Variants in DMXL1 observed in about 807,000 individuals in gnomAD.
DMXL1 encodes dmX-like protein 1.
In DMXL1, 99 loss-of-function variants were observed where a neutral mutation model predicts 319.2. The ratio of observed to expected loss-of-function variants is 0.31; its 90% confidence interval spans 0.26 to 0.37. The LOEUF (loss-of-function observed/expected upper bound fraction) is 0.37, where lower values mean the gene tolerates loss of function less well. Ranked by LOEUF, DMXL1 falls within the 10% of genes least tolerant of loss-of-function variation. The probability of loss-of-function intolerance (pLI) is 1.00; values close to 1 mark genes in which losing one functional copy is unlikely to be tolerated. For missense variants in DMXL1, 3,745 were observed against 3,595.6 expected (o/e 1.04, Z -1.06); for synonymous variants, 1,385 against 1,235.2 (o/e 1.12, Z -2.54).
chr5:119,071,610 G>C lies in DMXL1; in HGVS notation c.41G>C (p.Gly14Ala). The C allele has an allele frequency of 6.2e-7, 1 of 1,605,092 alleles. No individual in the cohort carries two copies. The highest frequency in any genetic ancestry group is 8.5e-7 in the Non-Finnish European group (1 of 1,176,274). The change falls in exon 1 of 44, where the codon GGC becomes GCC. Residue 14 changes from glycine to alanine, a missense_variant. Physicochemically the swap from Gly to Ala is moderately conservative, Grantham distance 60. Coordinates refer to ENST00000539542, the MANE Select transcript of DMXL1 (RefSeq NM_001290321.3). ...GTGCTGACCGGGGCTGTGAACCCTGGCGACCACTGCTTCTCCGTGGGCAGC... is the reference window on the plus strand; with the variant it reads ...GTGCTGACCGGGGCTGTGAACCCTGCCGACCACTGCTTCTCCGTGGGCAGC... ...HQVLTGAVNP[G>A]DHCFSVGSIG...
intron 2 of DMXL1, among the ~76,000 whole-genome samples, chr5:119,100,273 TA>T (rs1268418659): frequency 3.7e-4 from 52 of 142,226 alleles, no homozygotes; most frequent in Non-Finnish European, 5.4e-4. Flanking sequence ...TACTACAAAA[TA>T]AAAAAAAAAA....
At chr5:119,218,176 A>C (rs1784018067) in intron 35 of DMXL1, among the ~76,000 whole-genome samples, 1 of 152,062 alleles carries the variant, frequency 6.6e-6, no homozygotes, top group Non-Finnish European at 1.5e-5. Context: ...CAGGAGTTTG[A>C]TACCAGCCTG....
chr5:119,094,171 G>C (rs1755413863), intron 1 of DMXL1, among the ~76,000 whole-genome samples: 1 of 152,136 alleles, frequency 6.6e-6, no homozygotes, highest in Non-Finnish European at 1.5e-5. Flanking sequence ...ATGCCATCTA[G>C]GCCTTTCATA....
intron 1 of DMXL1, among the ~76,000 whole-genome samples, chr5:119,075,532 C>A (rs1750649250): frequency 6.6e-6 from 1 of 152,030 alleles, no homozygotes; most frequent in South Asian, 2.1e-4. Context: ...AGCCACCGCG[C>A]CCTGCCTGTT....
chr5:119,177,474 T>C lies in DMXL1; in HGVS notation c.6876T>C (p.Ala2292=). ...DEALTPNTSP[A]QWPGITCLIR... is the part of the protein sequence containing the mutation. Reference sequence around the variant, plus strand: ...CATTAACTCCCAATACGTCACCAGCTCAATGGCCAGGTATAATTTTTATGT... The same window carrying C: ...CATTAACTCCCAATACGTCACCAGCCCAATGGCCAGGTATAATTTTTATGT... Residue 2292 remains alanine (A), a synonymous_variant, in exon 27 of 44, where the codon GCT becomes GCC. Coordinates refer to ENST00000539542, the MANE Select transcript of DMXL1 (RefSeq NM_001290321.3). 6.3e-7 allele frequency: 1 copy of C among 1,598,944 alleles called. No homozygotes were observed. Among genetic ancestry groups the C allele is most frequent in the Non-Finnish European group, 8.5e-7 (1 of 1,174,164 alleles).
intron 19 of DMXL1, among the ~76,000 whole-genome samples, 185 bp from the exon 20 acceptor site, chr5:119,164,322 G>A (rs1022964025): frequency 2.6e-5 from 4 of 151,828 alleles, no homozygotes; most frequent in Non-Finnish European, 4.4e-5. Flanking sequence ...AAACATATAT[G>A]TGCTCATTGG....
intron 2 of DMXL1, among the ~76,000 whole-genome samples, chr5:119,100,998 G>A (rs1215029189): frequency 6.6e-6 from 1 of 151,732 alleles, no homozygotes; most frequent in Non-Finnish European, 1.5e-5. Context: ...AGCCAGGATG[G>A]ACTCGATCTC....
chr5:119,153,894 GT>G (rs1205017560), intron 19 of DMXL1, among the ~76,000 whole-genome samples: 1 of 152,140 alleles, frequency 6.6e-6, no homozygotes, highest in Non-Finnish European at 1.5e-5. Flanking sequence ...TTTCAGCACC[GT>G]TTTTCCAACA....
At chr5:119,203,291 T>C in intron 32 of DMXL1, 28 bp from the exon 33 acceptor site, 1 of 1,412,140 alleles carries the variant, frequency 7.1e-7, no homozygotes, top group Non-Finnish European at 9.6e-7. Flanking sequence ...CTGAAGTTTA[T>C]CATTAAATTT....
At chr5:119,120,572 T>C (rs1480142438) in intron 8 of DMXL1, among the ~76,000 whole-genome samples, 2 of 152,246 alleles carry the variant, frequency 1.3e-5, no homozygotes. Context: ...GGTAATATTA[T>C]TTAATACTGT....
Position 119,171,912 on chromosome 5 carries a change from T to C in DMXL1, c.6624T>C (p.Ile2208=). ...ACCTTAGTAATCTGACACATGATAT[T>C]CTCCATGCCATAATAAACTTTGATT... ...LLHLSNLTHD[I]LHAIINFDSP... is the part of the protein sequence containing the mutation. Residue 2208 remains isoleucine (I), a synonymous_variant, in exon 25 of 44, where the codon ATT becomes ATC. Coordinates refer to ENST00000539542, the MANE Select transcript of DMXL1 (RefSeq NM_001290321.3). The C allele has an allele frequency of 1.2e-6, 2 of 1,613,802 alleles. No individual in the cohort carries two copies. Among genetic ancestry groups the C allele is most frequent in the Non-Finnish European group, 1.7e-6 (2 of 1,179,834 alleles).
intron 34 of DMXL1, among the ~76,000 whole-genome samples, chr5:119,215,807 G>T (rs1188091356): frequency 6.6e-6 from 1 of 152,082 alleles, no homozygotes; most frequent in African/African-American, 2.4e-5. Flanking sequence ...AAGATTGAAA[G>T]TTAGAATGGC....
intron 28 of DMXL1, among the ~76,000 whole-genome samples, chr5:119,181,707 G>C (rs1776799574): frequency 6.6e-6 from 1 of 152,172 alleles, no homozygotes; most frequent in African/African-American, 2.4e-5. Context: ...AGCTACTCAG[G>C]AGGCTGAGGC....
At chr5:119,132,639 T>C in intron 10 of DMXL1, 1 of 385,310 alleles carries the variant, frequency 2.6e-6, no homozygotes, top group Non-Finnish European at 5.0e-6. Context: ...ATCACGCCAC[T>C]GTACTCCAGC....
intron 19 of DMXL1, chr5:119,154,554 C>T (rs1770580622): frequency 6.2e-6 from 1 of 160,182 alleles, no homozygotes; most frequent in Non-Finnish European, 1.4e-5. Flanking sequence ...GGAAGCTGCA[C>T]AATTAAAGTT....
At chr5:119,090,755 C>T (rs577777388) in intron 1 of DMXL1, among the ~76,000 whole-genome samples, 7 of 151,676 alleles carry the variant, frequency 4.6e-5, no homozygotes, top group Non-Finnish European at 1.0e-4. Flanking sequence ...TTAGTAGAGA[C>T]GGGGTTTCAC....
intron 37 of DMXL1, among the ~76,000 whole-genome samples, chr5:119,224,014 T>G (rs1204424110): frequency 6.6e-6 from 1 of 152,148 alleles, no homozygotes; most frequent in Middle Eastern, 3.2e-3. Flanking sequence ...TATAACTGCA[T>G]CAATATATGT....
Position 119,072,817 on chromosome 5 carries a change from G to T in DMXL1, c.87+1161G>T, listed in dbSNP as rs566782807. Reference sequence around the variant, plus strand: ...GACTCATACACATCTTAATTATCGGGATTCCAATTCTAAATGTTTGCCCAG... The same window carrying T: ...GACTCATACACATCTTAATTATCGGTATTCCAATTCTAAATGTTTGCCCAG... On this transcript the variant is annotated intron_variant, in intron 1 of 43. Coordinates refer to ENST00000539542, the MANE Select transcript of DMXL1 (RefSeq NM_001290321.3). Among the ~76,000 whole-genome samples, 3 of 152,252 alleles carry T rather than the reference G, an allele frequency of 2.0e-5. No homozygotes were observed. In the South Asian group the frequency reaches 6.2e-4, roughly 32 times the overall value.
rs774032185 is a variant in DMXL1 at position 119,171,040 on chromosome 5, A to G, written c.6249A>G (p.Leu2083=). ...ACTTTTGCTCAGATGCTGAAGAACT[A>G]CAGTCTGCATTTGGCAGAAATGAAG... ...TCDFCSDAEE[L]QSAFGRNEDE... is the part of the protein sequence containing the mutation. Residue 2083 remains leucine, a synonymous_variant, in exon 24 of 44, where the codon CTA becomes CTG. Coordinates refer to ENST00000539542, the MANE Select transcript of DMXL1 (RefSeq NM_001290321.3). 2.0e-5 allele frequency: 33 copies of G among 1,613,820 alleles called. No individual in the cohort carries two copies. The highest frequency in any genetic ancestry group is 2.4e-5 in the Non-Finnish European group (28 of 1,179,900).
Sources: allele counts gnomAD v4.1 joint callset (sites outside exome capture counted in the v4.1 genomes callset), GRCh38; gene constraint gnomAD v4.1.1; transcripts MANE v1.5; gene names NCBI Gene and HGNC (gene_info 2026-07-23, HGNC 2026-07-21).